MTUS1: variants seen among roughly 807,000 people sequenced by gnomAD.
The protein encoded by MTUS1 is microtubule-associated tumor suppressor 1.
In MTUS1, 109 loss-of-function variants were observed where a neutral mutation model predicts 120.8. That is an observed-to-expected ratio of 0.90 (90% CI 0.77 to 1.06). The LOEUF (loss-of-function observed/expected upper bound fraction) is 1.06. Among genes scored for constraint, MTUS1 ranks in the 50% least tolerant of loss-of-function variants. MTUS1 has a pLI of 0.00. For synonymous variants in MTUS1, 737 were observed against 550.5 expected (o/e 1.34, Z -4.74); for missense variants, 2,210 against 1,486.3 (o/e 1.49, Z -8.01).
intron 2 of MTUS1, among the ~76,000 whole-genome samples, chr8:17,748,419 G>T (rs1439546178): frequency 6.6e-6 from 1 of 152,188 alleles, no homozygotes; most frequent in Admixed American, 6.5e-5. Flanking sequence ...GTGGACAAGA[G>T]CTTGGGACCC....
chr8:17,677,355 C>T (rs1298872491), intron 7 of MTUS1, among the ~76,000 whole-genome samples: 1 of 152,120 alleles, frequency 6.6e-6, no homozygotes, highest in East Asian at 1.9e-4. Flanking sequence ...ACTAAATGCC[C>T]ACAAACAATC....
At chr8:17,733,857 A>C (rs1484150999) in intron 3 of MTUS1, among the ~76,000 whole-genome samples, 1 of 152,202 alleles carries the variant, frequency 6.6e-6, no homozygotes, top group East Asian at 1.9e-4. Context: ...AAAATAGCTC[A>C]ATACATGTGC....
In MTUS1 at chr8:17,755,177, A is replaced by C. The variant is rs61733697; in HGVS notation, c.631T>G (p.Ser211Ala). 20,170 of 1,614,128 alleles carry C rather than the reference A, an allele frequency of 0.012. 163 individuals are homozygous for C. The highest frequency in any genetic ancestry group is 0.015 in the Non-Finnish European group (17,143 of 1,180,016). The change falls in exon 2 of 15, where the codon TCC becomes GCC. Residue 211 changes from serine (S) to alanine (A), a missense_variant. By Grantham distance (99) the Ser-to-Ala change is moderately conservative (BLOSUM62 1). Transcript: ENST00000693296. ...SSLSYSTWTSSHSDKTHARET... is the reference protein window; with the variant it reads ...SSLSYSTWTSAHSDKTHARET... ...CTTGCATGCGTCTTATCAGAATGGGAAGATGTCCAAGTGGAATAGGATAAA... is the reference window on the plus strand; with the variant it reads ...CTTGCATGCGTCTTATCAGAATGGGCAGATGTCCAAGTGGAATAGGATAAA...
intron 5 of MTUS1, among the ~76,000 whole-genome samples, chr8:17,714,910 T>TTTTG (rs1822027697): frequency 1.5e-5 from 2 of 135,314 alleles, no homozygotes; most frequent in African/African-American, 5.6e-5. Flanking sequence ...TTTTTTTTTT[T>TTTTG]TTTTTTTTTT....
chr8:17,721,966 T>C (rs925019767), intron 4 of MTUS1: 2 of 1,496,094 alleles, frequency 1.3e-6, no homozygotes, highest in African/African-American at 1.4e-5. Flanking sequence ...ATATCCCTCA[T>C]GCTTGCTCTT....
At chr8:17,701,554 A>C (rs1031745949) in intron 6 of MTUS1, among the ~76,000 whole-genome samples, 1 of 152,048 alleles carries the variant, frequency 6.6e-6, no homozygotes, top group Non-Finnish European at 1.5e-5. Context: ...TTCATCGTAG[A>C]ATTTTTTTTT....
At position 17,763,493 on chromosome 8, in the gene MTUS1, C is replaced by T. The variant is rs1586249697; in HGVS notation, c.-154-7532G>A. On this transcript the variant is annotated intron_variant, in intron 1 of 14. Coordinates refer to ENST00000693296, the MANE Select transcript of MTUS1 (RefSeq NM_001363059.2). ...TATAACACTCCTGGCTTTTGACTCACTCCATCCAGGAGAAGTGAAGTGACT... is the reference window on the plus strand; with the variant it reads ...TATAACACTCCTGGCTTTTGACTCATTCCATCCAGGAGAAGTGAAGTGACT... 2.6e-5 allele frequency among the ~76,000 whole-genome samples: 4 copies of T among 152,286 alleles called. No individual in the cohort carries two copies. The East Asian group carries it at 5.8e-4, about 22-fold the overall frequency.
At chr8:17,676,601 A>T (rs1164629740) in intron 7 of MTUS1, 1 of 540,046 alleles carries the variant, frequency 1.9e-6, no homozygotes, top group Non-Finnish European at 3.3e-6. Context: ...AACGAGAGGC[A>T]GGCATTAGAC....
chr8:17,769,360 T>C (rs568176483), intron 1 of MTUS1, among the ~76,000 whole-genome samples: 1,556 of 149,912 alleles, frequency 0.01, 18 homozygotes, highest in African/African-American at 0.036. Flanking sequence ...TTTTTTTTTT[T>C]TTTTTGAGAC....
chr8:17,697,622 A>G (rs1203714118), intron 6 of MTUS1: 11 of 1,252,680 alleles, frequency 8.8e-6, no homozygotes, highest in East Asian at 3.6e-5. Flanking sequence ...TCTGAATACA[A>G]TCTCCCTCCT....
At chr8:17,691,927 A>G (rs1817020407) in intron 6 of MTUS1, 1 of 152,238 alleles carries the variant, frequency 6.6e-6, no homozygotes, top group African/African-American at 2.4e-5. Context: ...TTTATAACTG[A>G]AAATTCATTC....
At chr8:17,749,609 C>T (rs180705202) in intron 2 of MTUS1, among the ~76,000 whole-genome samples, 2 of 146,806 alleles carry the variant, frequency 1.4e-5, no homozygotes, top group South Asian at 2.1e-4. Flanking sequence ...TGCAGTGAGC[C>T]GAGAGATCAC....
chr8:17,660,200 C>G (rs547882337), intron 8 of MTUS1, among the ~76,000 whole-genome samples: 1 of 152,154 alleles, frequency 6.6e-6, no homozygotes, highest in East Asian at 1.9e-4. Flanking sequence ...TGGTGAAACC[C>G]CATCTCTAGT....
At chr8:17,800,359 A>C (rs1047086216) in intron 1 of MTUS1, among the ~76,000 whole-genome samples, 1 of 152,182 alleles carries the variant, frequency 6.6e-6, no homozygotes. Flanking sequence ...GAAACAAACA[A>C]AACACACTGG....
At chr8:17,765,233 G>A (rs985779654) in intron 1 of MTUS1, among the ~76,000 whole-genome samples, 2 of 152,166 alleles carry the variant, frequency 1.3e-5, no homozygotes, top group Non-Finnish European at 2.9e-5. Context: ...GAACACAGAC[G>A]AAGCTTTGCC....
intron 8 of MTUS1, among the ~76,000 whole-genome samples, chr8:17,657,321 C>T (rs1382519548): frequency 1.3e-5 from 2 of 151,514 alleles, no homozygotes; most frequent in Admixed American, 6.6e-5. Context: ...GTAATCCCAG[C>T]ACTTTGGGAG....
intron 3 of MTUS1, among the ~76,000 whole-genome samples, chr8:17,737,998 C>A (rs1396034511): frequency 1.3e-5 from 2 of 152,126 alleles, no homozygotes; most frequent in Non-Finnish European, 1.5e-5. Flanking sequence ...TTTACATAAA[C>A]CACGAAGGAA....
chr8:17,764,008 C>T (rs888829839), intron 1 of MTUS1, among the ~76,000 whole-genome samples: 17 of 151,994 alleles, frequency 1.1e-4, no homozygotes, highest in African/African-American at 3.9e-4. Context: ...GGATTAGTGC[C>T]CACAAATTGT....
chr8:17,703,802 C>T (rs1030816144), intron 6 of MTUS1, among the ~76,000 whole-genome samples: 9 of 152,124 alleles, frequency 5.9e-5, no homozygotes, highest in Admixed American at 5.2e-4. Context: ...AATACGTGCA[C>T]TGCTGAACAT....
Sources: gnomAD v4.1 joint callset for allele counts (sites outside exome capture counted in the v4.1 genomes callset) on GRCh38, gnomAD v4.1.1 for gene constraint, MANE v1.5 for transcripts, NCBI Gene and HGNC (gene_info 2026-07-23, HGNC 2026-07-21) for gene names.